PLD1: variants seen among roughly 807,000 people sequenced by gnomAD.
PLD1 encodes choline phosphatase 1.
PLD1 carries 112 observed loss-of-function variants against 137.1 expected under a neutral mutation model. The ratio of observed to expected loss-of-function variants is 0.82; its 90% CI spans 0.70 to 0.96. The LOEUF (loss-of-function observed/expected upper bound fraction) is 0.96, where lower values mean the gene tolerates loss of function less well. Ranked by LOEUF, PLD1 falls within the 40% of genes least tolerant of loss-of-function variation. The pLI, the probability that PLD1 is intolerant of heterozygous loss-of-function variation, is 0.00. For synonymous variants in PLD1, 431 were observed against 454.7 expected (o/e 0.95, Z 0.66); for missense variants, 1,321 against 1,342.0 (o/e 0.98, Z 0.24).
Position 171,674,632 on chromosome 3 carries a change from A to G in PLD1, c.2116-19T>C. 1.6e-6 allele frequency: 2 copies of G among 1,288,914 alleles called. No individual in the cohort carries two copies. Among genetic ancestry groups the G allele is most frequent in the Non-Finnish European group, 2.2e-6 (2 of 893,914 alleles). 79.8% of individuals were successfully genotyped at this position (1,288,914 alleles called of 1,614,324 possible). A position where few individuals can be genotyped will look rare whatever the true frequency, so the allele number is the denominator to read the frequency against. On this transcript the variant is annotated intron_variant, in intron 18 of 26. Transcript: ENST00000351298. ...TCATAATCTAAAATAAAGAAAAAGG[A>G]TAAAATATTCAAATGAGAAAAAAGA... is the stretch of plus-strand genomic sequence containing the variant.
At chr3:171,735,122 A>C in intron 4 of PLD1, 152 bp from the exon 5 acceptor site, 1 of 593,448 alleles carries the variant, frequency 1.7e-6, no homozygotes, top group Non-Finnish European at 3.0e-6. Flanking sequence ...TTGTGAATTA[A>C]ATACACTTTT....
rs1731840003 is a variant in PLD1 at position 171,601,694 on chromosome 3, GAAC to G, written c.*1381_*1383del. On this transcript the variant is annotated 3_prime_UTR_variant, in exon 27 of 27. Coordinates refer to ENST00000351298, the MANE Select transcript of PLD1 (RefSeq NM_002662.5). ...GGGATCGGCTGCTTGCTTCTTTGAAGAACAACCCAAATGAGAGTATGTCCAGGT... is the reference window on the plus strand; with the variant it reads ...GGGATCGGCTGCTTGCTTCTTTGAAGAACCCAAATGAGAGTATGTCCAGGT... 6.6e-6 allele frequency: 1 copy of G among 152,110 alleles called. No homozygotes were observed. Among genetic ancestry groups the G allele is most frequent in the South Asian group, 2.1e-4 (1 of 4,826 alleles). The allele number at this position is 152,110 out of a possible 1,614,324, so 9.4% of individuals were successfully genotyped here.
chr3:171,804,993 A>C (rs1264554840), intron 1 of PLD1, among the ~76,000 whole-genome samples: 1 of 151,914 alleles, frequency 6.6e-6, no homozygotes, highest in Admixed American at 6.6e-5. Context: ...ATTCTCCTTC[A>C]TCTAAATGTG....
At chr3:171,610,061 T>C (rs573893371) in intron 25 of PLD1, among the ~76,000 whole-genome samples, 1 of 152,176 alleles carries the variant, frequency 6.6e-6, no homozygotes, top group East Asian at 1.9e-4. Context: ...TCTAACAAAT[T>C]GGTGAAGATT....
intron 9 of PLD1, among the ~76,000 whole-genome samples, chr3:171,710,359 G>C (rs569061772): frequency 1.3e-5 from 2 of 152,248 alleles, no homozygotes; most frequent in South Asian, 4.1e-4. Context: ...CAACTTTTTT[G>C]GTACCAGGGA....
intron 19 of PLD1, among the ~76,000 whole-genome samples, chr3:171,672,184 C>T (rs1328435147): frequency 6.6e-6 from 1 of 152,198 alleles, no homozygotes; most frequent in Non-Finnish European, 1.5e-5. Context: ...TACTCAGAGA[C>T]CATACCTTGC....
intron 19 of PLD1, among the ~76,000 whole-genome samples, chr3:171,673,491 G>A (rs937225935): frequency 3.9e-5 from 6 of 151,944 alleles, no homozygotes; most frequent in African/African-American, 4.8e-5. Context: ...GGCTGGTCTC[G>A]AACTCCTGAC....
intron 16 of PLD1, among the ~76,000 whole-genome samples, chr3:171,685,055 C>T (rs1046230205): frequency 1.3e-5 from 2 of 152,220 alleles, no homozygotes; most frequent in Middle Eastern, 3.2e-3. Flanking sequence ...GGGCCACATG[C>T]GGCCCGGGAT....
At chr3:171,620,339 A>T in intron 24 of PLD1, 47 bp downstream of exon 24, 1 of 1,409,334 alleles carries the variant, frequency 7.1e-7, no homozygotes, top group Non-Finnish European at 9.6e-7. Flanking sequence ...TGCATGGGGT[A>T]AGTCAACTGG....
At chr3:171,626,861 A>G (rs1734159528) in intron 23 of PLD1, among the ~76,000 whole-genome samples, 1 of 152,248 alleles carries the variant, frequency 6.6e-6, no homozygotes, top group Non-Finnish European at 1.5e-5. Flanking sequence ...AGCACTAAAC[A>G]TGGATAGGAA....
intron 13 of PLD1, among the ~76,000 whole-genome samples, chr3:171,692,118 G>A (rs1342475473): frequency 6.6e-6 from 1 of 152,156 alleles, no homozygotes; most frequent in African/African-American, 2.4e-5. Context: ...AATTATCAGA[G>A]TCAGAGAAGC....
At chr3:171,607,515 T>A (rs1284788005) in intron 25 of PLD1, among the ~76,000 whole-genome samples, 1 of 152,186 alleles carries the variant, frequency 6.6e-6, no homozygotes, top group East Asian at 1.9e-4. Context: ...AGTATTTTAA[T>A]TATAAGAAAT....
intron 6 of PLD1, among the ~76,000 whole-genome samples, chr3:171,728,451 T>C (rs949450952): frequency 7.2e-5 from 11 of 152,254 alleles, no homozygotes; most frequent in Admixed American, 3.3e-4. Context: ...CTATGGGTTA[T>C]TGGAAATGAT....
intron 11 of PLD1, among the ~76,000 whole-genome samples, chr3:171,705,937 T>TA: frequency 6.6e-6 from 1 of 152,042 alleles, no homozygotes; most frequent in Non-Finnish European, 1.5e-5. Context: ...TAAAGAGTTG[T>TA]AAAAAAAATA....
intron 21 of PLD1, among the ~76,000 whole-genome samples, chr3:171,657,914 A>G (rs1424369306): frequency 1.3e-5 from 2 of 152,178 alleles, no homozygotes; most frequent in Non-Finnish European, 2.9e-5. Flanking sequence ...TATATCTGAT[A>G]TGAGACTTGT....
intron 1 of PLD1, among the ~76,000 whole-genome samples, chr3:171,745,272 C>A (rs1179653525): frequency 1.3e-5 from 2 of 152,326 alleles, no homozygotes; most frequent in Non-Finnish European, 1.5e-5. Flanking sequence ...AGTGCCTGTA[C>A]TGAAAGGCAC....
At chr3:171,659,186 C>G (rs375876086) in intron 21 of PLD1, 27 bp downstream of exon 21, 1 of 1,432,390 alleles carries the variant, frequency 7.0e-7, no homozygotes, top group Non-Finnish European at 9.9e-7. Context: ...ACATCTGCAG[C>G]GAGAACTCTC....
At chr3:171,653,172 T>A (rs1434666251) in intron 21 of PLD1, 1 of 152,176 alleles carries the variant, frequency 6.6e-6, no homozygotes, top group African/African-American at 2.4e-5. Flanking sequence ...ACCAATCCCA[T>A]AAAGTTGATA....
At chr3:171,796,341 CA>C (rs1320247746) in intron 1 of PLD1, among the ~76,000 whole-genome samples, 5 of 151,758 alleles carry the variant, frequency 3.3e-5, no homozygotes, top group Non-Finnish European at 7.4e-5. Context: ...GAGCACATAT[CA>C]AAAAAAGGTT....
Sources: gnomAD v4.1 joint callset for allele counts (sites outside exome capture counted in the v4.1 genomes callset) on GRCh38, gnomAD v4.1.1 for gene constraint, MANE v1.5 for transcripts, NCBI Gene and HGNC (gene_info 2026-07-23, HGNC 2026-07-21) for gene names.